Variants in ZNF655 observed in about 807,000 individuals in gnomAD.
The protein encoded by ZNF655 is zinc finger protein 655.
Under a neutral mutation model 6.6 loss-of-function variants are expected in ZNF655, and 3 were observed. That is an observed-to-expected ratio of 0.46 (90% CI 0.21 to 1.18). The LOEUF (loss-of-function observed/expected upper bound fraction) is 1.18. Ranked by LOEUF, ZNF655 falls within the 50% of genes most tolerant of loss-of-function variation. The pLI, the probability that ZNF655 is intolerant of heterozygous loss-of-function variation, is 0.24. For missense variants in ZNF655, 526 were observed against 572.3 expected, an observed-to-expected ratio of 0.92 and a Z score of 0.83; for synonymous variants, 178 against 195.0, an observed-to-expected ratio of 0.91 and a Z score of 0.73.
chr7:99,561,962 G>A, intron 2 of ZNF655: 1 of 1,592,050 alleles, frequency 6.3e-7, no homozygotes, highest in East Asian at 2.3e-5. Context: ...GCTCTTGACA[G>A]CCAGGTACCA....
rs757919003 is a variant in ZNF655, at chr7:99,572,457, A to G, written c.349A>G (p.Thr117Ala). 5 of 1,613,770 alleles carry G rather than the reference A, an allele frequency of 3.1e-6. No individual in the cohort carries two copies. In the African/African-American group the frequency reaches 5.3e-5, roughly 17 times the overall value. Reference sequence around the variant, plus strand: ...CCTGGAGAGAGAGTTTAGGCAAATAACAATCAGCAAGGAAACCTTCACCAG... The same window carrying G: ...CCTGGAGAGAGAGTTTAGGCAAATAGCAATCAGCAAGGAAACCTTCACCAG... ...LYLEREFRQI[T>A]ISKETFTSEK... is the part of the protein sequence containing the mutation. Residue 117 changes from threonine to alanine, a missense_variant, in exon 3 of 3, where the codon ACA becomes GCA. By Grantham distance (58) the Thr-to-Ala change is moderately conservative. Transcript: ENST00000252713.
chr7:99,564,040 C>G, intron 2 of ZNF655: 1 of 1,607,488 alleles, frequency 6.2e-7, no homozygotes, highest in Non-Finnish European at 8.5e-7. Context: ...TGCTCGGAAA[C>G]TCCTTTTCCA....
chr7:99,567,272 A>G (rs541625625), intron 2 of ZNF655, among the ~76,000 whole-genome samples: 1 of 152,204 alleles, frequency 6.6e-6, no homozygotes, highest in African/African-American at 2.4e-5. Context: ...TGTGGCTCAC[A>G]CATGTAATCC....
intron 2 of ZNF655, 118 bp downstream of exon 2, chr7:99,560,813 G>C: frequency 7.5e-7 from 1 of 1,338,962 alleles, no homozygotes. Flanking sequence ...GGTCCCTAGA[G>C]GGAGGAATGA....
chr7:99,566,211 C>G (rs1054649994), intron 2 of ZNF655, among the ~76,000 whole-genome samples: 17 of 152,162 alleles, frequency 1.1e-4, no homozygotes, highest in African/African-American at 4.1e-4. Flanking sequence ...GCCTCTGAAG[C>G]CCCTGCACTT....
chr7:99,562,139 C>T, intron 2 of ZNF655: 1 of 747,930 alleles, frequency 1.3e-6, no homozygotes, highest in Non-Finnish European at 2.1e-6. Flanking sequence ...AAACCAACTT[C>T]CCATCTCCCC....
At chr7:99,561,986 A>C in intron 2 of ZNF655, 2 of 1,566,980 alleles carry the variant, frequency 1.3e-6, no homozygotes, top group Non-Finnish European at 1.7e-6. Flanking sequence ...GAGCTGAGGA[A>C]CCCTCTGCTT....
At position 99,573,503 on chromosome 7, in the gene ZNF655, T is replaced by A; in HGVS notation, c.1395T>A (p.Asp465Glu). The change falls in exon 3 of 3, where the codon GAT (aspartate) becomes GAA (glutamate). Residue 465 changes from aspartate to glutamate, a missense_variant. Asp to Glu is a conservative substitution (Grantham distance 45, BLOSUM62 2). Transcript: ENST00000252713. The part of the protein sequence containing the change: ...QEVLTRQKAF[D>E]CDVWEKNSSQ... ...TCCTCACCAGACAGAAAGCCTTTGA[T>A]TGTGATGTATGGGAAAAGAACTCCA... The A allele has an allele frequency of 6.2e-7, 1 of 1,612,586 alleles. No homozygotes were observed.
At position 99,562,260 on chromosome 7, in the gene ZNF655, C is replaced by T. The variant is rs2151148380; in HGVS notation, c.136+1565C>T. 4.3e-6 allele frequency: 6 copies of T among 1,402,472 alleles called. No individual in the cohort carries two copies. In the East Asian group the frequency reaches 6.9e-5, roughly 16 times the overall value. The allele number at this position is 1,402,472 out of a possible 1,614,324, so 86.9% of individuals were successfully genotyped here. ...CCGTAGGTTCTAATCTGTTCTCCCT[C>T]CTCCTCAACGTAAGTACACAGTGGA... On this transcript the variant is annotated intron_variant, in intron 2 of 2. Transcript: ENST00000252713.
rs1411269234 is a variant in ZNF655 at position 99,563,206 on chromosome 7, AT to A, written c.136+2513del. On this transcript the variant is annotated intron_variant, in intron 2 of 2. Coordinates refer to ENST00000252713, the MANE Select transcript of ZNF655 (RefSeq NM_138494.3). ...TTGAAAGGTACAGTGGGAAGCTGGGATTAGCCAAGCTGTAGTGCTGCTGGGA... is the reference window on the plus strand; with the variant it reads ...TTGAAAGGTACAGTGGGAAGCTGGGATAGCCAAGCTGTAGTGCTGCTGGGA... The A allele has an allele frequency of 1.3e-5, 6 of 454,040 alleles. No homozygotes were observed. The Admixed American group carries it at 1.4e-4, about 11-fold the overall frequency. 28.1% of individuals were successfully genotyped at this position (454,040 alleles called of 1,614,324 possible).
intron 2 of ZNF655, chr7:99,562,046 A>G (rs1253718724): frequency 7.6e-7 from 1 of 1,323,536 alleles, no homozygotes; most frequent in Non-Finnish European, 1.0e-6. Flanking sequence ...CTCTCATCCC[A>G]TCTGTAGACC....
At chr7:99,565,546 C>G (rs1803557926) in intron 2 of ZNF655, among the ~76,000 whole-genome samples, 2 of 152,170 alleles carry the variant, frequency 1.3e-5, no homozygotes, top group Non-Finnish European at 2.9e-5. Flanking sequence ...AGTAAATATA[C>G]AGAGTACAAA....
At position 99,572,312 on chromosome 7, in the gene ZNF655, A is replaced by G. The variant is rs1804148784; in HGVS notation, c.204A>G (p.Ser68=). 2 of 1,613,376 alleles carry G rather than the reference A, an allele frequency of 1.2e-6. No homozygotes were observed. Among genetic ancestry groups the G allele is most frequent in the South Asian group, 1.1e-5 (1 of 90,990 alleles). Residue 68 remains serine, a synonymous_variant, in exon 3 of 3, where the codon TCA becomes TCG. Transcript: ENST00000252713. ...PKQKISEEVH[S]YKVRVGRLKH... Reference sequence around the variant, plus strand: ...AGAAAATTTCGGAAGAAGTGCATTCATACAAAGTGAGAGTAGGAAGACTCA... The same window carrying G: ...AGAAAATTTCGGAAGAAGTGCATTCGTACAAAGTGAGAGTAGGAAGACTCA...
intron 2 of ZNF655, among the ~76,000 whole-genome samples, chr7:99,568,776 G>A (rs964393849): frequency 2.0e-5 from 3 of 150,088 alleles, no homozygotes; most frequent in Admixed American, 6.6e-5. Flanking sequence ...CTCTTGATTC[G>A]TTTGTTGGTT....
intron 2 of ZNF655, chr7:99,571,776 A>T: frequency 6.2e-7 from 1 of 1,604,586 alleles, no homozygotes; most frequent in Non-Finnish European, 8.5e-7. Context: ...GAGAAGTCTT[A>T]AGAGATGACT....
At chr7:99,567,321 G>C in intron 2 of ZNF655, among the ~76,000 whole-genome samples, 1 of 152,096 alleles carries the variant, frequency 6.6e-6, no homozygotes, top group Admixed American at 6.5e-5. Context: ...ATCACCTGAG[G>C]TTGGGAGTTC....
intron 2 of ZNF655, among the ~76,000 whole-genome samples, chr7:99,561,335 A>G (rs770343449): frequency 1.3e-4 from 20 of 152,204 alleles, no homozygotes; most frequent in Non-Finnish European, 2.8e-4. Context: ...GCCTGAAATA[A>G]CTTGTGTGTC....
chr7:99,571,029 T>G, intron 2 of ZNF655: 1 of 247,892 alleles, frequency 4.0e-6, no homozygotes, highest in Non-Finnish European at 8.2e-6. Flanking sequence ...TAGAGCTGTC[T>G]CTGTGTAGAG....
chr7:99,568,530 G>A (rs1803808272), intron 2 of ZNF655, among the ~76,000 whole-genome samples: 2 of 152,074 alleles, frequency 1.3e-5, no homozygotes, highest in African/African-American at 4.8e-5. Flanking sequence ...GATTACAGGC[G>A]CGAGCCACCG....
Sources: gnomAD v4.1 joint callset for allele counts (sites outside exome capture counted in the v4.1 genomes callset) on GRCh38, gnomAD v4.1.1 for gene constraint, MANE v1.5 for transcripts, NCBI Gene and HGNC (gene_info 2026-07-23, HGNC 2026-07-21) for gene names.